Variants in UNC13C observed in about 807,000 individuals in gnomAD.
UNC13C encodes protein unc-13 homolog C.
UNC13C carries 174 observed loss-of-function variants against 245.4 expected under a neutral mutation model. The ratio of observed to expected loss-of-function variants is 0.71; its 90% CI spans 0.63 to 0.80. UNC13C has a LOEUF of 0.80. Ranked by LOEUF, UNC13C falls within the 30% of genes least tolerant of loss-of-function variation. The pLI, the probability that UNC13C is intolerant of heterozygous loss-of-function variation, is 0.00. For synonymous variants in UNC13C, 992 were observed against 895.1 expected, an observed-to-expected ratio of 1.11 and a Z score of -1.93; for missense variants, 2,829 against 2,602.9, an observed-to-expected ratio of 1.09 and a Z score of -1.89.
chr15:54,448,435 T>C (rs986529672), intron 19 of UNC13C, among the ~76,000 whole-genome samples: 1 of 152,224 alleles, frequency 6.6e-6, no homozygotes, highest in Non-Finnish European at 1.5e-5. Context: ...CCCTAAGGAC[T>C]TCCTTTATGA....
the UNC13C span, among the ~76,000 whole-genome samples, chr15:53,891,035 A>G: frequency 1.3e-5 from 2 of 152,092 alleles, no homozygotes; most frequent in Non-Finnish European, 1.5e-5. Context: ...ATTGTTTTAA[A>G]TGTGTCCCGG....
At chr15:54,201,193 T>C (rs1340183858) in intron 4 of UNC13C, among the ~76,000 whole-genome samples, 1 of 151,756 alleles carries the variant, frequency 6.6e-6, no homozygotes, top group Non-Finnish European at 1.5e-5. Flanking sequence ...ACAACAAAAA[T>C]GTCCAGACCA....
At chr15:54,038,352 G>C (rs956836039) in intron 2 of UNC13C, among the ~76,000 whole-genome samples, 3 of 151,104 alleles carry the variant, frequency 2.0e-5, no homozygotes, top group African/African-American at 7.3e-5. Flanking sequence ...GGCTGGTCTG[G>C]GATTCCTGGC....
At chr15:54,472,448 C>T in intron 19 of UNC13C, among the ~76,000 whole-genome samples, 1 of 151,780 alleles carries the variant, frequency 6.6e-6, no homozygotes, top group East Asian at 1.9e-4. Flanking sequence ...AAAGTGCTTA[C>T]TTTTACCAGT....
At chr15:54,591,572 A>G (rs1003814628) in intron 30 of UNC13C, among the ~76,000 whole-genome samples, 2 of 152,010 alleles carry the variant, frequency 1.3e-5, no homozygotes, top group African/African-American at 4.8e-5. Context: ...TAGTTTATGT[A>G]CATAAAGTTG....
intron 30 of UNC13C, among the ~76,000 whole-genome samples, chr15:54,578,879 G>A (rs1424036626): frequency 6.6e-6 from 1 of 152,172 alleles, no homozygotes; most frequent in Admixed American, 6.5e-5. Context: ...GTGAAGCTGG[G>A]ACTACATGCC....
chr15:53,866,102 G>T, the UNC13C span, among the ~76,000 whole-genome samples: 2 of 152,104 alleles, frequency 1.3e-5, no homozygotes, highest in African/African-American at 4.8e-5. Context: ...GGTAAACAGG[G>T]ATAGTAGAGA....
chr15:53,914,771 T>A, the UNC13C span: 1 of 152,174 alleles, frequency 6.6e-6, no homozygotes, highest in Non-Finnish European at 1.5e-5. Context: ...GACCTCATCA[T>A]GACCTTTGGC....
intron 10 of UNC13C, among the ~76,000 whole-genome samples, chr15:54,283,944 C>G (rs1184969174): frequency 6.6e-6 from 1 of 151,962 alleles, no homozygotes; most frequent in Non-Finnish European, 1.5e-5. Context: ...AAGTGAAATA[C>G]AAAAAATGTG....
chr15:54,077,636 G>A (rs939167301), intron 2 of UNC13C, among the ~76,000 whole-genome samples: 2 of 151,838 alleles, frequency 1.3e-5, no homozygotes, highest in East Asian at 1.9e-4. Flanking sequence ...CTCCCAAAGT[G>A]CTGGGATTAC....
chr15:53,848,463 A>G, the UNC13C span, among the ~76,000 whole-genome samples: 2 of 152,118 alleles, frequency 1.3e-5, no homozygotes. Context: ...TGCTCAATTT[A>G]ATTGCATATT....
chr15:54,407,997 CG>C (rs2040333365), intron 18 of UNC13C, among the ~76,000 whole-genome samples: 1 of 151,566 alleles, frequency 6.6e-6, no homozygotes, highest in South Asian at 2.1e-4. Context: ...GTCAGGAGAT[CG>C]AGACCATCCT....
At chr15:53,855,559 G>GT in the UNC13C span, among the ~76,000 whole-genome samples, 2 of 152,070 alleles carry the variant, frequency 1.3e-5, no homozygotes, top group African/African-American at 2.4e-5. Context: ...TTATCATATG[G>GT]TTTTTTGTCT....
chr15:54,441,441 T>C (rs1347260095), intron 19 of UNC13C, among the ~76,000 whole-genome samples: 2 of 152,002 alleles, frequency 1.3e-5, no homozygotes. Flanking sequence ...TTTCCTGATA[T>C]ATGTTCTTGG....
intron 20 of UNC13C, among the ~76,000 whole-genome samples, chr15:54,498,189 C>A (rs1894040427): frequency 6.6e-6 from 1 of 151,940 alleles, no homozygotes; most frequent in Non-Finnish European, 1.5e-5. Flanking sequence ...AATGCTTACA[C>A]ACAAAAACAC....
chr15:54,314,493 C>A (rs2037959701), intron 13 of UNC13C, among the ~76,000 whole-genome samples: 1 of 151,218 alleles, frequency 6.6e-6, no homozygotes, highest in African/African-American at 2.4e-5. Context: ...AGAAGCTATA[C>A]CATGGTGGAT....
At chr15:54,051,613 TC>T (rs1190135669) in intron 2 of UNC13C, among the ~76,000 whole-genome samples, 4 of 152,090 alleles carry the variant, frequency 2.6e-5, no homozygotes, top group African/African-American at 9.7e-5. Context: ...CTAACTTCAT[TC>T]CGTATGTTTC....
chr15:54,160,499 C>T (rs2032929719), intron 4 of UNC13C, among the ~76,000 whole-genome samples: 1 of 151,460 alleles, frequency 6.6e-6, no homozygotes, highest in Non-Finnish European at 1.5e-5. Context: ...TACTTATGTT[C>T]TGAAAAAACT....
intron 10 of UNC13C, among the ~76,000 whole-genome samples, chr15:54,280,995 G>T (rs1024299259): frequency 2.6e-5 from 4 of 151,820 alleles, no homozygotes; most frequent in Admixed American, 2.0e-4. Context: ...ATGAGGATTT[G>T]CCATGTTGGC....
Sources: allele counts gnomAD v4.1 joint callset (sites outside exome capture counted in the v4.1 genomes callset), GRCh38; gene constraint gnomAD v4.1.1; transcripts MANE v1.5; gene names NCBI Gene and HGNC (gene_info 2026-07-23, HGNC 2026-07-21).